Variants in XPNPEP1 observed in about 807,000 individuals in gnomAD.
XPNPEP1 encodes xaa-Pro aminopeptidase 1.
A neutral mutation model predicts 92.4 loss-of-function variants in XPNPEP1; 39 were observed. The ratio of observed to expected loss-of-function variants is 0.42; its 90% CI spans 0.33 to 0.55. The LOEUF (loss-of-function observed/expected upper bound fraction) is 0.55. Among genes scored for constraint, XPNPEP1 ranks in the 20% least tolerant of loss-of-function variants. The pLI, the probability that XPNPEP1 is intolerant of heterozygous loss-of-function variation, is 0.08. For missense variants in XPNPEP1, 654 were observed against 856.1 expected, an observed-to-expected ratio of 0.76 and a Z score of 2.95; for synonymous variants, 307 against 299.4, an observed-to-expected ratio of 1.03 and a Z score of -0.26.
intron 2 of XPNPEP1, among the ~76,000 whole-genome samples, chr10:109,911,553 G>T (rs557310797): frequency 2.4e-4 from 37 of 152,304 alleles, no homozygotes; most frequent in Admixed American, 1.2e-3. Flanking sequence ...TCCCAAGCTT[G>T]CCAGCATCTA....
chr10:109,893,551 C>T (rs1848815894), intron 3 of XPNPEP1: 1 of 157,142 alleles, frequency 6.4e-6, no homozygotes, highest in African/African-American at 2.4e-5. Context: ...GAGGTAGCAT[C>T]ACCAATCTCT....
At chr10:109,882,707 G>C in intron 9 of XPNPEP1, 65 bp from the exon 10 acceptor site, 1 of 1,539,682 alleles carries the variant, frequency 6.5e-7, no homozygotes, top group Non-Finnish European at 8.9e-7. Flanking sequence ...TGGCAACACA[G>C]ACACACATAC....
intron 3 of XPNPEP1, among the ~76,000 whole-genome samples, chr10:109,895,375 G>T (rs1043908779): frequency 2.0e-5 from 3 of 152,238 alleles, no homozygotes; most frequent in African/African-American, 4.8e-5. Flanking sequence ...TGGAAGATCC[G>T]CAGGGTTTAC....
chr10:109,892,561 A>T (rs1848758831), intron 4 of XPNPEP1: 1 of 168,548 alleles, frequency 5.9e-6, no homozygotes, highest in Non-Finnish European at 1.3e-5. Context: ...CTTAGAGTTA[A>T]CCTTTGTTAT....
intron 1 of XPNPEP1, among the ~76,000 whole-genome samples, chr10:109,918,854 A>AGGAAGGAG (rs1259229044): frequency 6.4e-5 from 2 of 31,492 alleles, no homozygotes; most frequent in Non-Finnish European, 1.1e-4. Flanking sequence ...GAAGGAAGGA[A>AGGAAGGAG]GGAGGGAAGG....
chr10:109,916,276 T>C (rs947574076), intron 1 of XPNPEP1, among the ~76,000 whole-genome samples: 1 of 152,086 alleles, frequency 6.6e-6, no homozygotes, highest in Non-Finnish European at 1.5e-5. Context: ...AGGGGAACAA[T>C]GTTCCAGGAC....
At position 109,890,432 on chromosome 10, in the gene XPNPEP1, A is replaced by T. The variant is rs572805374; in HGVS notation, c.415+1290T>A. Reference sequence around the variant, plus strand: ...ACACTAGCACATATAAATAACAAATAAACAAACATACATACATGTTGCGGG... The same window carrying T: ...ACACTAGCACATATAAATAACAAATTAACAAACATACATACATGTTGCGGG... On this transcript the variant is annotated intron_variant, in intron 5 of 20. Transcript: ENST00000502935. 6.4e-4 allele frequency among the ~76,000 whole-genome samples: 98 copies of T among 152,108 alleles called. 1 individual carries two copies. Among genetic ancestry groups the T allele is most frequent in the South Asian group, 4.6e-3 (22 of 4,820 alleles).
chr10:109,914,212 C>T (rs980282461), intron 2 of XPNPEP1, among the ~76,000 whole-genome samples: 1 of 152,092 alleles, frequency 6.6e-6, no homozygotes, highest in Admixed American at 6.5e-5. Context: ...GACAATTAAC[C>T]AGTTCTGGGG....
chr10:109,909,928 A>G (rs1467778539), intron 2 of XPNPEP1, among the ~76,000 whole-genome samples: 1 of 152,204 alleles, frequency 6.6e-6, no homozygotes, highest in East Asian at 1.9e-4. Flanking sequence ...ACATTTGTTA[A>G]AATGGATTAA....
intron 8 of XPNPEP1, among the ~76,000 whole-genome samples, 175 bp downstream of exon 8, chr10:109,886,071 C>T (rs1373094673): frequency 6.6e-6 from 1 of 152,218 alleles, no homozygotes; most frequent in Non-Finnish European, 1.5e-5. Context: ...CTCCCCAGCT[C>T]CCTGTAATTC....
intron 3 of XPNPEP1, among the ~76,000 whole-genome samples, chr10:109,897,020 C>G (rs950967116): frequency 3.3e-5 from 5 of 152,130 alleles, no homozygotes; most frequent in African/African-American, 1.2e-4. Context: ...GGGAAAAGAT[C>G]GTAAGGGATT....
Position 109,891,846 on chromosome 10 carries a change from A to T in XPNPEP1, c.311-20T>A. On this transcript the variant is annotated intron_variant, in intron 4 of 20. Transcript: ENST00000502935. ...CTGTGCCTGAAGCAGGGGAGAAAAA[A>T]AAAAGAAGAAGAAAGGTTTCTAACA... 1 of 1,610,832 alleles carries T rather than the reference A, an allele frequency of 6.2e-7. No homozygotes were observed. Among genetic ancestry groups the T allele is most frequent in the Non-Finnish European group, 8.5e-7 (1 of 1,178,494 alleles).
At chr10:109,910,362 T>C (rs987203893) in intron 2 of XPNPEP1, among the ~76,000 whole-genome samples, 10 of 152,020 alleles carry the variant, frequency 6.6e-5, no homozygotes, top group East Asian at 1.9e-4. Context: ...CTGACCAACA[T>C]AGAGAAACCC....
intron 9 of XPNPEP1, 122 bp from the exon 10 acceptor site, chr10:109,882,764 T>G: frequency 1.0e-6 from 1 of 980,460 alleles, no homozygotes; most frequent in Non-Finnish European, 1.5e-6. Flanking sequence ...CCCTTTTCTC[T>G]CCTCCCCACT....
chr10:109,918,157 C>T (rs192236152), intron 1 of XPNPEP1, among the ~76,000 whole-genome samples: 67 of 152,124 alleles, frequency 4.4e-4, no homozygotes, highest in African/African-American at 1.5e-3. Context: ...CACAATGACT[C>T]ACATCTGTAA....
At chr10:109,918,577 C>T (rs574924310) in intron 1 of XPNPEP1, among the ~76,000 whole-genome samples, 2 of 151,962 alleles carry the variant, frequency 1.3e-5, no homozygotes, top group East Asian at 1.9e-4. Flanking sequence ...CTGGCTAACA[C>T]GGTGAAACCC....
At chr10:109,904,927 G>A (rs1849475036) in intron 3 of XPNPEP1, among the ~76,000 whole-genome samples, 1 of 151,944 alleles carries the variant, frequency 6.6e-6, no homozygotes, top group Non-Finnish European at 1.5e-5. Context: ...CCAAAAGAAT[G>A]GAAAACAGGA....
chr10:109,881,381 T>C (rs1482514601), intron 10 of XPNPEP1, among the ~76,000 whole-genome samples: 1 of 152,172 alleles, frequency 6.6e-6, no homozygotes, highest in Non-Finnish European at 1.5e-5. Flanking sequence ...TCCCGCCCAG[T>C]GGTCCTATCT....
intron 1 of XPNPEP1, among the ~76,000 whole-genome samples, chr10:109,918,602 A>G (rs550464485): frequency 2.0e-5 from 3 of 152,024 alleles, no homozygotes; most frequent in African/African-American, 7.2e-5. Flanking sequence ...TCTACTAAAA[A>G]TACAAAAAAT....
Sources: allele counts gnomAD v4.1 joint callset (sites outside exome capture counted in the v4.1 genomes callset), GRCh38; gene constraint gnomAD v4.1.1; transcripts MANE v1.5; gene names NCBI Gene and HGNC (gene_info 2026-07-23, HGNC 2026-07-21).